SLC36A3: variants seen among roughly 807,000 people sequenced by gnomAD.
SLC36A3 encodes solute carrier family 36 member 3, also known as proton-coupled amino acid transporter 3.
SLC36A3 carries 35 observed loss-of-function variants against 44.3 expected under a neutral mutation model. That is an observed-to-expected ratio of 0.79 (90% CI 0.60 to 1.05). The LOEUF is 1.05. Among genes scored for constraint, SLC36A3 ranks in the 50% least tolerant of loss-of-function variants. The probability of loss-of-function intolerance (pLI) is 0.00; values close to 1 mark genes in which losing one functional copy is unlikely to be tolerated. For synonymous variants in SLC36A3, 211 were observed against 227.6 expected, an observed-to-expected ratio of 0.93 and a Z score of 0.66; for missense variants, 540 against 578.7, an observed-to-expected ratio of 0.93 and a Z score of 0.69.
intron 3 of SLC36A3, among the ~76,000 whole-genome samples, chr5:151,294,516 A>G (rs1431006902): frequency 6.6e-6 from 1 of 152,194 alleles, no homozygotes; most frequent in Non-Finnish European, 1.5e-5. Context: ...CTAGAAGCAC[A>G]TCTAAAAAAT....
chr5:151,279,559 A>G (rs1754231897), intron 9 of SLC36A3, among the ~76,000 whole-genome samples: 1 of 152,324 alleles, frequency 6.6e-6, no homozygotes, highest in African/African-American at 2.4e-5. Flanking sequence ...TATAAGGTCA[A>G]CTGTCTCTAG....
chr5:151,298,355 T>G, intron 2 of SLC36A3: 2 of 471,442 alleles, frequency 4.2e-6, no homozygotes, highest in Non-Finnish European at 7.7e-6. Flanking sequence ...GCGGGGAGAA[T>G]TGTGGCAAAG....
At chr5:151,296,012 T>A (rs1754945883) in intron 3 of SLC36A3, among the ~76,000 whole-genome samples, 168 bp downstream of exon 3, 2 of 152,066 alleles carry the variant, frequency 1.3e-5, no homozygotes, top group Admixed American at 1.3e-4. Flanking sequence ...GTGCCTAGAG[T>A]CTCTAACTGG....
At position 151,277,210 on chromosome 5, in the gene SLC36A3, C is replaced by G. The variant is rs1239608077; in HGVS notation, c.*183G>C. 3 of 803,422 alleles carry G rather than the reference C, an allele frequency of 3.7e-6. No homozygotes were observed. The highest frequency in any genetic ancestry group is 2.7e-5 in the East Asian group (1 of 36,878). The allele number at this position is 803,422 out of a possible 1,614,324, so 49.8% of individuals were successfully genotyped here. A position where few individuals can be genotyped will look rare whatever the true frequency, so the allele number is the denominator to read the frequency against. On this transcript the variant is annotated 3_prime_UTR_variant, in exon 10 of 10. Coordinates refer to ENST00000335230, the MANE Select transcript of SLC36A3 (RefSeq NM_181774.4). ...AAAAGGCCATCCAAAAAATATAAAA[C>G]CAAAAGAGGTGTAGCCTGAGAGACA...
chr5:151,299,016 T>C (rs1401355422), intron 1 of SLC36A3, among the ~76,000 whole-genome samples: 1 of 152,078 alleles, frequency 6.6e-6, no homozygotes, highest in African/African-American at 2.4e-5. Context: ...TCAAATAACA[T>C]TTATTGTGAC....
chr5:151,298,808 G>A, intron 1 of SLC36A3, 125 bp from the exon 2 acceptor site: 1 of 809,022 alleles, frequency 1.2e-6, no homozygotes. Flanking sequence ...CTGATGAGGT[G>A]GACTTGGAGA....
At chr5:151,284,280 T>G in intron 7 of SLC36A3, 70 bp from the exon 8 acceptor site, 43 of 1,386,092 alleles carry the variant, frequency 3.1e-5, no homozygotes, top group Non-Finnish European at 4.0e-5. Context: ...AGGAGAGGGT[T>G]CCCGTACAAG....
intron 3 of SLC36A3, among the ~76,000 whole-genome samples, chr5:151,293,792 G>A (rs962282533): frequency 4.3e-4 from 66 of 152,352 alleles, no homozygotes; most frequent in African/African-American, 1.5e-3. Flanking sequence ...TGGTGTGGGT[G>A]TGGCCAGGCC....
chr5:151,295,918 G>A (rs148292605), intron 3 of SLC36A3, among the ~76,000 whole-genome samples: 19 of 152,268 alleles, frequency 1.2e-4, no homozygotes, highest in Middle Eastern at 3.4e-3. Context: ...TATCACTTTC[G>A]ATGCTTTCAG....
intron 3 of SLC36A3, among the ~76,000 whole-genome samples, chr5:151,294,795 A>ATTTTTAGT: frequency 6.6e-6 from 1 of 152,012 alleles, no homozygotes; most frequent in South Asian, 2.1e-4. Flanking sequence ...ACGCCTGGCT[A>ATTTTTAGT]ATTTTGTATT....
rs1447502199 is a variant in SLC36A3 at position 151,298,685 on chromosome 5, T to A, written c.129-2A>T. 4.3e-6 allele frequency: 7 copies of A among 1,613,964 alleles called. No homozygotes were observed. Among genetic ancestry groups the A allele is most frequent in the Non-Finnish European group, 5.9e-6 (7 of 1,179,910 alleles). On this transcript the variant is annotated splice_acceptor_variant, in intron 1 of 9. Transcript: ENST00000335230. LOFTEE classifies it high-confidence loss of function. ...AAGTGGATCAAAGTTTGCATCATCC[T>A]GTGGTGGGGAGAGTAGGGAGACAGA...
Position 151,277,196 on chromosome 5 carries a change from C to T in SLC36A3, c.*197G>A. ...TGGTTCAGAGGTACAAAAGGCCATC[C>T]AAAAAATATAAAACCAAAAGAGGTG... On this transcript the variant is annotated 3_prime_UTR_variant, in exon 10 of 10. Coordinates refer to ENST00000335230, the MANE Select transcript of SLC36A3 (RefSeq NM_181774.4). 1.4e-6 allele frequency: 1 copy of T among 707,074 alleles called. No individual in the cohort carries two copies. The highest frequency in any genetic ancestry group is 2.8e-5 in the East Asian group (1 of 36,258). 43.8% of individuals were successfully genotyped at this position (707,074 alleles called of 1,614,324 possible).
At chr5:151,283,042 G>A (rs539079312) in intron 8 of SLC36A3, among the ~76,000 whole-genome samples, 4 of 151,754 alleles carry the variant, frequency 2.6e-5, no homozygotes, top group Admixed American at 6.6e-5. Flanking sequence ...ACACCACCAC[G>A]CCCAGCTAAT....
intron 6 of SLC36A3, among the ~76,000 whole-genome samples, chr5:151,285,788 A>G (rs1754513943): frequency 6.6e-6 from 1 of 152,192 alleles, no homozygotes; most frequent in African/African-American, 2.4e-5. Flanking sequence ...AACATGAGAA[A>G]GACTTGGCTT....
At chr5:151,299,262 C>CTATATATATA (rs1483618702) in intron 1 of SLC36A3, among the ~76,000 whole-genome samples, 23 of 64,440 alleles carry the variant, frequency 3.6e-4, no homozygotes, top group East Asian at 2.2e-3. Flanking sequence ...CTCTCTCTCT[C>CTATATATATA]TCTATATATA....
intron 9 of SLC36A3, among the ~76,000 whole-genome samples, chr5:151,278,164 A>G (rs1029768666): frequency 3.3e-5 from 5 of 152,234 alleles, no homozygotes; most frequent in African/African-American, 4.8e-5. Context: ...GCCTTTGTCT[A>G]GAAGCAAGGA....
chr5:151,290,723 A>T (rs1754726942), intron 4 of SLC36A3, among the ~76,000 whole-genome samples: 1 of 151,986 alleles, frequency 6.6e-6, no homozygotes, highest in Admixed American at 6.6e-5. Context: ...GTGAAACCCC[A>T]TCTCTACTAA....
chr5:151,299,225 G>GCTCTCTCTCTCTCTCT lies in SLC36A3; in HGVS notation c.129-558_129-543dup, dbSNP rs61382152. On this transcript the variant is annotated intron_variant, in intron 1 of 9. Transcript: ENST00000335230. ...CATTGTGAATATGAATTGCTTGTGC[G>GCTCTCTCTCTCTCTCT]CTCTCTCTCTCTCTCTCTCTCTCTC... is the stretch of plus-strand genomic sequence containing the variant. Among the ~76,000 whole-genome samples the GCTCTCTCTCTCTCTCT allele has an allele frequency of 1.1e-4, 10 of 92,384 alleles. 1 individual carries two copies. The highest frequency in any genetic ancestry group is 4.0e-4 in the East Asian group (1 of 2,500). The allele number at this position is 92,384 out of a possible 152,430, so 60.6% of individuals were successfully genotyped here.
intron 6 of SLC36A3, among the ~76,000 whole-genome samples, chr5:151,286,219 C>T (rs542715910): frequency 4.6e-5 from 7 of 152,288 alleles, no homozygotes; most frequent in Admixed American, 4.6e-4. Context: ...AACTAATGTT[C>T]CAGGACCTCC....
Sources: allele counts gnomAD v4.1 joint callset (sites outside exome capture counted in the v4.1 genomes callset), GRCh38; gene constraint gnomAD v4.1.1; transcripts MANE v1.5; gene names NCBI Gene and HGNC (gene_info 2026-07-23, HGNC 2026-07-21).